The following RBFOX1 variants were observed in gnomAD, a reference collection of about 807,000 sequenced individuals.
RBFOX1 encodes the protein RNA binding fox-1 homolog 1.
RBFOX1 carries 8 observed loss-of-function variants against 57.7 expected under a neutral mutation model. That is an observed-to-expected ratio of 0.14 (90% CI 0.08 to 0.25). RBFOX1 has a LOEUF of 0.25. Among genes scored for constraint, RBFOX1 ranks in the 10% least tolerant of loss-of-function variants. The probability of loss-of-function intolerance (pLI) is 1.00; values close to 1 mark genes in which losing one functional copy is unlikely to be tolerated. For missense variants in RBFOX1, 611 were observed against 548.5 expected (o/e 1.11, Z -1.14); for synonymous variants, 326 against 222.4 (o/e 1.47, Z -4.15).
intron 2 of RBFOX1, among the ~76,000 whole-genome samples, chr16:6,491,115 T>C (rs978126552): frequency 1.3e-5 from 2 of 152,112 alleles, no homozygotes; most frequent in Non-Finnish European, 2.9e-5. Flanking sequence ...TATATAGTTA[T>C]ATCTATAGTT....
intron 2 of RBFOX1, among the ~76,000 whole-genome samples, chr16:6,490,318 A>G (rs147120260): frequency 0.01 from 1,563 of 152,362 alleles, 33 homozygotes; most frequent in African/African-American, 0.036. Context: ...ACAGAAGTAG[A>G]GAGCGTCAAT....
At chr16:7,005,912 G>C (rs768491427) in intron 3 of RBFOX1, among the ~76,000 whole-genome samples, 2 of 152,016 alleles carry the variant, frequency 1.3e-5, no homozygotes, top group African/African-American at 2.4e-5. Context: ...TGATATAATT[G>C]GTCTTTCTGA....
intron 3 of RBFOX1, among the ~76,000 whole-genome samples, chr16:5,826,755 AT>A (rs772420678): frequency 5.9e-5 from 9 of 152,202 alleles, no homozygotes; most frequent in Non-Finnish European, 1.2e-4. Flanking sequence ...AATTTTTTAT[AT>A]GTGTATTTTA....
chr16:6,106,602 C>A (rs2096382573), intron 1 of RBFOX1, among the ~76,000 whole-genome samples: 1 of 152,108 alleles, frequency 6.6e-6, no homozygotes, highest in South Asian at 2.1e-4. Context: ...AAAGTCTCTT[C>A]ATTGCCAAGG....
At chr16:7,127,204 C>T (rs1243985861) in intron 4 of RBFOX1, among the ~76,000 whole-genome samples, 1 of 152,022 alleles carries the variant, frequency 6.6e-6, no homozygotes, top group Non-Finnish European at 1.5e-5. Context: ...ACAAATGCCT[C>T]CGAAAGCATA....
intron 4 of RBFOX1, among the ~76,000 whole-genome samples, chr16:7,362,931 G>A (rs988631878): frequency 2.0e-5 from 3 of 152,148 alleles, no homozygotes; most frequent in Non-Finnish European, 2.9e-5. Flanking sequence ...CTGCACTAGT[G>A]TGTGACCTTG....
intron 4 of RBFOX1, among the ~76,000 whole-genome samples, chr16:7,293,588 C>T (rs745518289): frequency 5.9e-5 from 9 of 152,114 alleles, no homozygotes; most frequent in Non-Finnish European, 1.2e-4. Flanking sequence ...CCTGGACTCG[C>T]AGGCCAGATG....
chr16:6,676,152 A>G (rs868686496), intron 3 of RBFOX1, among the ~76,000 whole-genome samples: 2,322 of 115,774 alleles, frequency 0.02, 41 homozygotes, highest in East Asian at 0.075. Flanking sequence ...GCACACACAC[A>G]CACACACACA....
chr16:6,978,138 A>C (rs1036162333), intron 3 of RBFOX1, among the ~76,000 whole-genome samples: 4 of 149,740 alleles, frequency 2.7e-5, no homozygotes, highest in South Asian at 2.2e-4. Context: ...ACAGCCGGGC[A>C]TGATGCCCTG....
chr16:5,898,354 A>T (rs2058217759), intron 4 of RBFOX1, among the ~76,000 whole-genome samples: 2 of 152,010 alleles, frequency 1.3e-5, no homozygotes. Context: ...CAAGATCTTA[A>T]CTCTTCTACC....
Position 6,247,106 on chromosome 16 carries a change from G to A in RBFOX1, c.-126-69889G>A, listed in dbSNP as rs149272799. On this transcript the variant is annotated intron_variant, in intron 1 of 15. Coordinates refer to ENST00000550418, the MANE Select transcript of RBFOX1 (RefSeq NM_018723.4). Reference sequence around the variant, plus strand: ...ACTAAAAAAAATTCTGACCACTGTAGCATTGGTCACTTTCAATCATATCAA... The same window carrying A: ...ACTAAAAAAAATTCTGACCACTGTAACATTGGTCACTTTCAATCATATCAA... 7.7e-3 allele frequency among the ~76,000 whole-genome samples: 1,177 copies of A among 152,302 alleles called. 6 individuals carry two copies. The highest frequency in any genetic ancestry group is 0.017 in the Middle Eastern group (5 of 294).
intron 4 of RBFOX1, among the ~76,000 whole-genome samples, chr16:5,962,083 T>A (rs78790583): frequency 6.6e-6 from 1 of 152,190 alleles, no homozygotes; most frequent in Non-Finnish European, 1.5e-5. Flanking sequence ...AGCCATCGCT[T>A]ACATGTTCCA....
chr16:5,604,985 A>G (rs2047516746), downstream of RBFOX1, among the ~76,000 whole-genome samples: 1 of 152,200 alleles, frequency 6.6e-6, no homozygotes, highest in African/African-American at 2.4e-5. Flanking sequence ...GTTCAGAGGG[A>G]TGGAAGTGAA....
intron 3 of RBFOX1, among the ~76,000 whole-genome samples, chr16:5,732,915 C>G (rs938782522): frequency 2.0e-5 from 3 of 152,214 alleles, no homozygotes; most frequent in Non-Finnish European, 2.9e-5. Flanking sequence ...ATGGGAATGC[C>G]TGCCTTATTA....
chr16:6,844,160 G>T (rs2093638042), intron 3 of RBFOX1, among the ~76,000 whole-genome samples: 1 of 150,514 alleles, frequency 6.6e-6, no homozygotes, highest in African/African-American at 2.5e-5. Flanking sequence ...CTACAGGCCA[G>T]TCCCCTTATA....
chr16:7,498,569 G>A (rs1900540756), intron 4 of RBFOX1, among the ~76,000 whole-genome samples: 1 of 152,050 alleles, frequency 6.6e-6, no homozygotes. Flanking sequence ...TATTTACCCA[G>A]TATATCCAAA....
At chr16:7,001,702 C>G (rs1030360011) in intron 3 of RBFOX1, among the ~76,000 whole-genome samples, 1 of 152,064 alleles carries the variant, frequency 6.6e-6, no homozygotes, top group Non-Finnish European at 1.5e-5. Context: ...AGTGATCCAT[C>G]CTCCTTGGCC....
intron 2 of RBFOX1, among the ~76,000 whole-genome samples, chr16:5,501,993 G>A (rs2043213394): frequency 6.6e-6 from 1 of 151,948 alleles, no homozygotes; most frequent in South Asian, 2.1e-4. Context: ...AAAGTGCTGG[G>A]ATTACAGGCA....
intron 3 of RBFOX1, chr16:5,611,278 C>T (rs192987103): frequency 6.6e-6 from 1 of 152,334 alleles, no homozygotes; most frequent in East Asian, 1.9e-4. Context: ...ACCCCAGGCT[C>T]CACTTACTTC....
Sources: allele counts gnomAD v4.1 joint callset (sites outside exome capture counted in the v4.1 genomes callset), GRCh38; gene constraint gnomAD v4.1.1; transcripts MANE v1.5; gene names NCBI Gene and HGNC (gene_info 2026-07-23, HGNC 2026-07-21).